TDRD7: variants seen among roughly 807,000 people sequenced by gnomAD.
The protein encoded by TDRD7 is tudor domain-containing protein 7.
In TDRD7, 47 loss-of-function variants were observed where a neutral mutation model predicts 109.8. The ratio of observed to expected loss-of-function variants is 0.43; its 90% CI spans 0.34 to 0.55. The LOEUF (loss-of-function observed/expected upper bound fraction) is 0.55. Ranked by LOEUF, TDRD7 falls within the 20% of genes least tolerant of loss-of-function variation. The probability of loss-of-function intolerance (pLI) is 0.03; values close to 1 mark genes in which losing one functional copy is unlikely to be tolerated. For missense variants in TDRD7, 1,164 were observed against 1,319.2 expected, an observed-to-expected ratio of 0.88 and a Z score of 1.82; for synonymous variants, 424 against 457.3, an observed-to-expected ratio of 0.93 and a Z score of 0.93.
intron 6 of TDRD7, among the ~76,000 whole-genome samples, chr9:97,455,445 A>G (rs1288913817): frequency 6.6e-6 from 1 of 152,224 alleles, no homozygotes; most frequent in Non-Finnish European, 1.5e-5. Flanking sequence ...GGCAAACTGA[A>G]TCCAGCAACA....
chr9:97,442,576 G>T (rs16920387), intron 6 of TDRD7, among the ~76,000 whole-genome samples: 10,864 of 152,166 alleles, frequency 0.071, 600 homozygotes, highest in African/African-American at 0.16. Context: ...TTTCTTAGTG[G>T]TTTTGCTTAC....
At chr9:97,436,742 T>TAGTGTGAG (rs1371126635) in intron 4 of TDRD7, among the ~76,000 whole-genome samples, 1 of 152,170 alleles carries the variant, frequency 6.6e-6, no homozygotes, top group Non-Finnish European at 1.5e-5. Context: ...TTTTATTTTA[T>TAGTGTGAG]AGTGTGAGAG....
Position 97,470,411 on chromosome 9 carries a change from G to A in TDRD7, c.1630-147G>A, listed in dbSNP as rs1587885266. On this transcript the variant is annotated intron_variant, in intron 8 of 16. Coordinates refer to ENST00000355295, the MANE Select transcript of TDRD7 (RefSeq NM_014290.3). ...CTCCAGCCTTTCTCTTCTGTGGTAA[G>A]TCAGGGGCACCTCCCCAGCTTTTTC... 5.6e-6 allele frequency: 4 copies of A among 710,486 alleles called. No individual in the cohort carries two copies. The East Asian group carries it at 1.1e-4, about 19-fold the overall frequency. The allele number at this position is 710,486 out of a possible 1,614,324, so 44.0% of individuals were successfully genotyped here.
chr9:97,465,919 G>A (rs1429721042), intron 8 of TDRD7, among the ~76,000 whole-genome samples: 1 of 152,148 alleles, frequency 6.6e-6, no homozygotes, highest in Non-Finnish European at 1.5e-5. Context: ...TGATGGGAAG[G>A]ACACTGTGTA....
At chr9:97,430,603 T>G (rs1446362905) in intron 2 of TDRD7, among the ~76,000 whole-genome samples, 1 of 152,220 alleles carries the variant, frequency 6.6e-6, no homozygotes, top group Non-Finnish European at 1.5e-5. Context: ...CCTCACAGAT[T>G]ATATGATATT....
chr9:97,488,997 T>C (rs571071583), intron 16 of TDRD7, among the ~76,000 whole-genome samples: 13 of 152,366 alleles, frequency 8.5e-5, no homozygotes, highest in South Asian at 2.1e-4. Flanking sequence ...TTTAATTCCA[T>C]TGTGGTCTGA....
At chr9:97,438,066 C>T (rs1291689743) in intron 4 of TDRD7, among the ~76,000 whole-genome samples, 2 of 152,082 alleles carry the variant, frequency 1.3e-5, no homozygotes, top group African/African-American at 2.4e-5. Context: ...CTGGAGCCTT[C>T]GATGCTTGTT....
chr9:97,430,830 CT>C, intron 2 of TDRD7, 102 bp from the exon 3 acceptor site: 2 of 1,382,472 alleles, frequency 1.4e-6, no homozygotes, highest in Non-Finnish European at 2.1e-6. Flanking sequence ...TACCACTTGA[CT>C]TGGGATATGT....
Position 97,482,912 on chromosome 9 carries a change from C to G in TDRD7, c.2476C>G (p.Pro826Ala), listed in dbSNP as rs1417508471. The part of the protein sequence containing the change: ...HVYLFTPKNF[P>A]DPHRSINRQI... ...TTATTTATTTACCCCTAAGAACTTC[C>G]CTGACCCTCATCGCAGTATTAATCG... Residue 826 changes from proline (P) to alanine (A), a missense_variant, in exon 15 of 17, where the codon CCT (proline) becomes GCT (alanine). Physicochemically the swap from Pro to Ala is conservative, Grantham distance 27. This residue lies in a region of TDRD7 where 233 missense variants were observed against 218.0 expected (regional missense o/e 1.07). Coordinates refer to ENST00000355295, the MANE Select transcript of TDRD7 (RefSeq NM_014290.3). 2 of 1,614,016 alleles carry G rather than the reference C, an allele frequency of 1.2e-6. No homozygotes were observed. Among genetic ancestry groups the G allele is most frequent in the African/African-American group, 1.3e-5 (1 of 74,900 alleles).
intron 7 of TDRD7, among the ~76,000 whole-genome samples, chr9:97,461,806 T>C (rs1828729872): frequency 6.6e-6 from 1 of 152,230 alleles, no homozygotes; most frequent in African/African-American, 2.4e-5. Context: ...CAAATGGTCC[T>C]TTGGTTTGGG....
chr9:97,476,977 G>A (rs749817584), intron 12 of TDRD7, among the ~76,000 whole-genome samples: 4 of 151,778 alleles, frequency 2.6e-5, no homozygotes, highest in African/African-American at 4.8e-5. Flanking sequence ...CTGAAATCTC[G>A]GGTCATATGA....
intron 6 of TDRD7, among the ~76,000 whole-genome samples, chr9:97,457,948 CAG>C (rs1828648280): frequency 6.6e-6 from 1 of 152,002 alleles, no homozygotes; most frequent in South Asian, 2.1e-4. Flanking sequence ...TACATGGATA[CAG>C]AGAGGGGAAC....
At chr9:97,413,099 C>A (rs1183776885) in intron 1 of TDRD7, among the ~76,000 whole-genome samples, 1 of 152,196 alleles carries the variant, frequency 6.6e-6, no homozygotes, top group Non-Finnish European at 1.5e-5. Context: ...AACCAAAAAA[C>A]CACAGATCTA....
intron 6 of TDRD7, among the ~76,000 whole-genome samples, chr9:97,454,475 C>T (rs1002883053): frequency 4.0e-5 from 6 of 151,880 alleles, no homozygotes; most frequent in South Asian, 4.2e-4. Flanking sequence ...AGCAAGACTC[C>T]GTCACAATAA....
In TDRD7 at chr9:97,472,559, A is replaced by G. The variant is rs1180934625; in HGVS notation, c.1944+64A>G. The G allele has an allele frequency of 3.0e-6, 4 of 1,319,034 alleles. No individual in the cohort carries two copies. The East Asian group carries it at 9.2e-5, about 30-fold the overall frequency. The allele number at this position is 1,319,034 out of a possible 1,614,324, so 81.7% of individuals were successfully genotyped here. A position where few individuals can be genotyped will look rare whatever the true frequency, so the allele number is the denominator to read the frequency against. On this transcript the variant is annotated intron_variant, in intron 10 of 16. Transcript: ENST00000355295. ...TGTATGAGAGAAAAATCACCAGAAT[A>G]TTATACATTTTAGGCTAACAATTGA...
At chr9:97,462,257 C>G (rs1828738715) in intron 7 of TDRD7, among the ~76,000 whole-genome samples, 1 of 152,186 alleles carries the variant, frequency 6.6e-6, no homozygotes, top group African/African-American at 2.4e-5. Context: ...CCAGACCAAT[C>G]ACATGGTTTC....
At chr9:97,427,646 G>A (rs1828023154) in intron 1 of TDRD7, among the ~76,000 whole-genome samples, 1 of 152,082 alleles carries the variant, frequency 6.6e-6, no homozygotes. Flanking sequence ...CCTCAATGTG[G>A]GTCATTACTC....
chr9:97,479,399 A>G (rs1431907496), intron 13 of TDRD7, among the ~76,000 whole-genome samples: 1 of 152,176 alleles, frequency 6.6e-6, no homozygotes. Flanking sequence ...CTCTGACTTA[A>G]TAATACCTCT....
chr9:97,475,347 A>C, intron 11 of TDRD7, 36 bp from the exon 12 acceptor site: 13 of 1,496,338 alleles, frequency 8.7e-6, no homozygotes, highest in Non-Finnish European at 1.2e-5. Flanking sequence ...CTCTTTGCTA[A>C]GAGTAATAAG....
Sources: allele counts gnomAD v4.1 joint callset (sites outside exome capture counted in the v4.1 genomes callset), GRCh38; gene constraint gnomAD v4.1.1; regional missense constraint gnomAD v4.1.1; transcripts MANE v1.5; gene names NCBI Gene and HGNC (gene_info 2026-07-23, HGNC 2026-07-21).